Variants in SPTAN1 observed in about 807,000 individuals in gnomAD.
SPTAN1 encodes the protein spectrin alpha, non-erythrocytic 1.
Under a neutral mutation model 331.3 loss-of-function variants are expected in SPTAN1, and 61 were observed. The ratio of observed to expected loss-of-function variants is 0.18; its 90% confidence interval spans 0.15 to 0.23. SPTAN1 has a LOEUF of 0.23. Ranked by LOEUF, SPTAN1 falls within the 10% of genes least tolerant of loss-of-function variation. The pLI is 1.00. For missense variants in SPTAN1, 2,043 were observed against 3,147.9 expected (o/e 0.65, Z 8.40); for synonymous variants, 1,153 against 1,173.9 (o/e 0.98, Z 0.36).
chr9:128,593,915 G>C (rs1853870207), intron 23 of SPTAN1: 3 of 487,214 alleles, frequency 6.2e-6, no homozygotes, highest in African/African-American at 1.9e-5. Context: ...TCTAAGTGCA[G>C]AATCGGCCTG....
At chr9:128,574,179 A>G (rs1851042749) in intron 3 of SPTAN1, among the ~76,000 whole-genome samples, 1 of 151,934 alleles carries the variant, frequency 6.6e-6, no homozygotes, top group Non-Finnish European at 1.5e-5. Context: ...TACATCCTTC[A>G]GTAATTTCAG....
In SPTAN1 at chr9:128,587,617, G is replaced by A; in HGVS notation, c.2790G>A (p.Lys930=). 6.2e-7 allele frequency: 1 copy of A among 1,613,826 alleles called. No individual in the cohort carries two copies. Among genetic ancestry groups the A allele is most frequent in the Non-Finnish European group, 8.5e-7 (1 of 1,179,988 alleles). ...GGTTTTGGTTTCAGGCTCTACTGAA[G>A]AAACACGAAGCTTTGATGTCAGATC... ...KDEDSAEALL[K]KHEALMSDLS... is the part of the protein sequence containing the mutation. The change falls in exon 20 of 57, where the codon AAG becomes AAA. Residue 930 remains lysine, a synonymous_variant. Coordinates refer to ENST00000372739, the MANE Select transcript of SPTAN1 (RefSeq NM_001130438.3).
chr9:128,605,372 G>A lies in SPTAN1; in HGVS notation c.3941G>A (p.Cys1314Tyr), dbSNP rs776648566. Residue 1314 changes from cysteine (C) to tyrosine (Y), a missense_variant, in exon 31 of 57, where the codon TGC becomes TAC. Physicochemically the swap from Cys to Tyr is radical, Grantham distance 194. Around this residue, in one of 12 missense-constraint regions of SPTAN1, gnomAD observed 42 missense variants for 106.0 expected, o/e 0.40. Coordinates refer to ENST00000372739, the MANE Select transcript of SPTAN1 (RefSeq NM_001130438.3). Reference sequence around the variant, plus strand: ...TCAGCAGAAGACCTGCAGGAAAAGTGCACAGAGTTAAACCAGGCCTGGAGC... The same window carrying A: ...TCAGCAGAAGACCTGCAGGAAAAGTACACAGAGTTAAACCAGGCCTGGAGC... ...PESAEDLQEKCTELNQAWSSL... is the reference protein window; with the variant it reads ...PESAEDLQEKYTELNQAWSSL... 9.9e-6 allele frequency: 16 copies of A among 1,614,090 alleles called. No homozygotes were observed. Among genetic ancestry groups the A allele is most frequent in the Admixed American group, 5.0e-5 (3 of 60,008 alleles).
chr9:128,607,496 C>G, intron 31 of SPTAN1, 108 bp from the exon 32 acceptor site: 1 of 988,924 alleles, frequency 1.0e-6, no homozygotes, highest in Non-Finnish European at 1.6e-6. Flanking sequence ...TCAGATTAAC[C>G]CAAGATAACT....
intron 1 of SPTAN1, among the ~76,000 whole-genome samples, chr9:128,563,904 C>G (rs1303995937): frequency 6.6e-6 from 1 of 151,974 alleles, no homozygotes; most frequent in African/African-American, 2.4e-5. Flanking sequence ...TCCCAAAGTG[C>G]TGGGATTGCA....
chr9:128,609,715 T>G (rs1179308353), intron 37 of SPTAN1, 50 bp downstream of exon 37: 1 of 1,250,644 alleles, frequency 8.0e-7, no homozygotes, highest in Non-Finnish European at 1.1e-6. Flanking sequence ...CTCCAGTATT[T>G]GTGTTACTCT....
intron 38 of SPTAN1, 73 bp from the exon 39 acceptor site, chr9:128,612,036 C>A: frequency 6.2e-7 from 1 of 1,612,994 alleles, no homozygotes. Flanking sequence ...CTTAGAAGTT[C>A]TCAAATTGAG....
At position 128,608,019 on chromosome 9, in the gene SPTAN1, G is replaced by A. The variant is rs758133621; in HGVS notation, c.4314G>A (p.Arg1438=). 1 of 1,614,138 alleles carries A rather than the reference G, an allele frequency of 6.2e-7. No individual in the cohort carries two copies. The highest frequency in any genetic ancestry group is 1.3e-5 in the African/African-American group (1 of 75,022). Residue 1438 remains arginine, a synonymous_variant, in exon 33 of 57, where the codon AGG becomes AGA. Transcript: ENST00000372739. ...TGGAGAAGGCCTGGGTTCAGCGCAG[G>A]ATGATGCTGGATCAGTGCCTTGAAC... ...ADLEKAWVQR[R]MMLDQCLELQ...
intron 45 of SPTAN1, among the ~76,000 whole-genome samples, chr9:128,623,275 A>G (rs1307674026): frequency 2.7e-5 from 4 of 147,480 alleles, no homozygotes; most frequent in Non-Finnish European, 6.0e-5. Flanking sequence ...TCACTATGTT[A>G]TGTTGCCCAG....
chr9:128,583,536 T>A (rs920551265), intron 15 of SPTAN1, among the ~76,000 whole-genome samples: 2 of 152,130 alleles, frequency 1.3e-5, no homozygotes, highest in Non-Finnish European at 2.9e-5. Context: ...AAAATCAAAG[T>A]TCAGCTGAGA....
chr9:128,579,374 T>C (rs1205830448), intron 9 of SPTAN1, among the ~76,000 whole-genome samples: 2 of 152,118 alleles, frequency 1.3e-5, no homozygotes, highest in African/African-American at 4.8e-5. Flanking sequence ...GAAAGAGAGC[T>C]CAGACCCATG....
At chr9:128,613,269 G>A in intron 39 of SPTAN1, 112 bp from the exon 40 acceptor site, 3 of 820,090 alleles carry the variant, frequency 3.7e-6, no homozygotes, top group Admixed American at 3.9e-5. Context: ...TGATGGAGAA[G>A]TATTCAACTG....
intron 37 of SPTAN1, among the ~76,000 whole-genome samples, chr9:128,611,172 C>A (rs975861244): frequency 6.6e-6 from 1 of 152,168 alleles, no homozygotes; most frequent in Admixed American, 6.6e-5. Flanking sequence ...ATAGCTACTG[C>A]AAGAATTGAT....
rs766529811 is a variant in SPTAN1 at position 128,621,234 on chromosome 9, A to G, written c.5810A>G (p.Asn1937Ser). 6.2e-7 allele frequency: 1 copy of G among 1,613,834 alleles called. No individual in the cohort carries two copies. The highest frequency in any genetic ancestry group is 8.5e-7 in the Non-Finnish European group (1 of 1,179,986). ...GATCGCGTGAATGATGTCTGCACCA[A>G]TGGACAAGACCTCATTAAGAAGGTG... is the stretch of plus-strand genomic sequence containing the variant. ...HKDRVNDVCT[N>S]GQDLIKKNNH... The change falls in exon 45 of 57, where the codon AAT becomes AGT. Residue 1937 changes from asparagine (N) to serine (S), a missense_variant. Coordinates refer to ENST00000372739, the MANE Select transcript of SPTAN1 (RefSeq NM_001130438.3).
Position 128,585,760 on chromosome 9 carries a change from C to T in SPTAN1, c.2573C>T (p.Ala858Val). ...NAMVEEGHFA[A>V]EDVKAKLHEL... Reference sequence around the variant, plus strand: ...ACCCATCTTCCAGGCCATTTTGCTGCAGAGGATGTGAAGGCCAAGCTTCAC... The same window carrying T: ...ACCCATCTTCCAGGCCATTTTGCTGTAGAGGATGTGAAGGCCAAGCTTCAC... The change falls in exon 19 of 57, where the codon GCA (alanine) becomes GTA (valine). Residue 858 changes from alanine (A) to valine (V), a missense_variant. Ala to Val is a moderately conservative substitution (Grantham distance 64, BLOSUM62 0). Transcript: ENST00000372739. 1 of 1,614,106 alleles carries T rather than the reference C, an allele frequency of 6.2e-7. No homozygotes were observed. Among genetic ancestry groups the T allele is most frequent in the Non-Finnish European group, 8.5e-7 (1 of 1,179,984 alleles).
At chr9:128,607,092 A>ACACACT (rs1855995748) in intron 31 of SPTAN1, among the ~76,000 whole-genome samples, 1 of 152,182 alleles carries the variant, frequency 6.6e-6, no homozygotes, top group Non-Finnish European at 1.5e-5. Flanking sequence ...TTGTGGTTGT[A>ACACACT]CAGCTGTGAG....
chr9:128,622,293 CTTTTTTTTTT>C (rs35122170), intron 45 of SPTAN1, among the ~76,000 whole-genome samples: 45 of 91,510 alleles, frequency 4.9e-4, no homozygotes, highest in African/African-American at 2.1e-3. Context: ...GAGCCAGCTG[CTTTTTTTTTT>C]TTTTTTTTTT....
chr9:128,594,490 G>A, intron 24 of SPTAN1, 117 bp downstream of exon 24: 1 of 1,027,772 alleles, frequency 9.7e-7, no homozygotes, highest in Non-Finnish European at 1.4e-6. Context: ...GAGTGCAGTG[G>A]TATGACTTCG....
chr9:128,554,946 T>C (rs576183398), intron 1 of SPTAN1, among the ~76,000 whole-genome samples: 1 of 152,376 alleles, frequency 6.6e-6, no homozygotes, highest in East Asian at 1.9e-4. Context: ...TTTGTGGCAA[T>C]TTCATGAAGT....
Sources: allele counts gnomAD v4.1 joint callset (sites outside exome capture counted in the v4.1 genomes callset), GRCh38; gene constraint gnomAD v4.1.1; regional missense constraint gnomAD v4.1.1; transcripts MANE v1.5; gene names NCBI Gene and HGNC (gene_info 2026-07-23, HGNC 2026-07-21).